COL11A1: variants seen among roughly 807,000 people sequenced by gnomAD.
COL11A1 encodes collagen type XI alpha 1 chain.
In COL11A1, 74 loss-of-function variants were observed where a neutral mutation model predicts 265.2. The observed-to-expected ratio is 0.28, with a 90% CI of 0.23 to 0.34. The LOEUF (loss-of-function observed/expected upper bound fraction) is 0.34, where lower values mean the gene tolerates loss of function less well. Ranked by LOEUF, COL11A1 falls within the 10% of genes least tolerant of loss-of-function variation. The probability of loss-of-function intolerance (pLI) is 1.00; values close to 1 mark genes in which losing one functional copy is unlikely to be tolerated. For synonymous variants in COL11A1, 816 were observed against 727.6 expected, an observed-to-expected ratio of 1.12 and a Z score of -1.96; for missense variants, 2,165 against 2,263.6, an observed-to-expected ratio of 0.96 and a Z score of 0.88.
chr1:103,020,070 G>T, intron 9 of COL11A1, among the ~76,000 whole-genome samples: 1 of 151,340 alleles, frequency 6.6e-6, no homozygotes, highest in Non-Finnish European at 1.5e-5. Context: ...TATCTTTATA[G>T]CAGCATGATT....
At chr1:103,041,959 T>A (rs1668844980) in intron 4 of COL11A1, among the ~76,000 whole-genome samples, 1 of 152,006 alleles carries the variant, frequency 6.6e-6, no homozygotes, top group African/African-American at 2.4e-5. Context: ...AAAGCTATAT[T>A]TTGTTCCCAA....
At chr1:103,063,703 A>G (rs766497197) in intron 4 of COL11A1, among the ~76,000 whole-genome samples, 1 of 152,194 alleles carries the variant, frequency 6.6e-6, no homozygotes, top group Non-Finnish European at 1.5e-5. Context: ...GAATTTATTG[A>G]TAATCTAGGC....
intron 56 of COL11A1, among the ~76,000 whole-genome samples, chr1:102,898,446 T>C: frequency 6.6e-6 from 1 of 151,982 alleles, no homozygotes; most frequent in East Asian, 1.9e-4. Flanking sequence ...TGGTTTTCTA[T>C]TTTCTCTTTA....
At chr1:102,984,246 AAT>A in intron 30 of COL11A1, 55 bp from the exon 31 acceptor site, 1 of 1,176,198 alleles carries the variant, frequency 8.5e-7, no homozygotes, top group Non-Finnish European at 1.2e-6. Context: ...ATTAAGCTTA[AAT>A]AATGATTTCA....
chr1:103,018,869 GA>G lies in COL11A1; in HGVS notation c.1309-11del. 4 of 1,610,094 alleles carry G rather than the reference GA, an allele frequency of 2.5e-6. No individual in the cohort carries two copies. The highest frequency in any genetic ancestry group is 1.7e-6 in the Non-Finnish European group (2 of 1,176,960). On this transcript the variant is annotated splice_polypyrimidine_tract_variant and intron_variant, in intron 9 of 66. Coordinates refer to ENST00000370096, the MANE Select transcript of COL11A1 (RefSeq NM_001854.4). ...CTTCGACAAGCATACCCTATAACAG[GA>G]AAAGAGAACATCTCTACCAGGGAAA...
intron 54 of COL11A1, among the ~76,000 whole-genome samples, chr1:102,911,699 C>A (rs936778196): frequency 8.5e-5 from 13 of 152,140 alleles, no homozygotes; most frequent in African/African-American, 3.1e-4. Flanking sequence ...TGTTTCCGAG[C>A]CAGAGAAGTT....
intron 4 of COL11A1, among the ~76,000 whole-genome samples, chr1:103,073,767 A>C (rs571584464): frequency 4.6e-5 from 7 of 152,168 alleles, no homozygotes; most frequent in African/African-American, 1.7e-4. Flanking sequence ...CTGTTTATGA[A>C]AATACATACT....
At chr1:103,070,102 T>C (rs1671460084) in intron 4 of COL11A1, among the ~76,000 whole-genome samples, 1 of 151,562 alleles carries the variant, frequency 6.6e-6, no homozygotes, top group East Asian at 1.9e-4. Context: ...TGAATGTTTA[T>C]AGTGGCTTTA....
At chr1:103,019,759 C>A (rs924581224) in intron 9 of COL11A1, among the ~76,000 whole-genome samples, 1 of 122,492 alleles carries the variant, frequency 8.2e-6, no homozygotes, top group African/African-American at 3.1e-5. Context: ...CCACAACAGT[C>A]CCCAGAGTGT....
intron 23 of COL11A1, 146 bp from the exon 24 acceptor site, chr1:103,002,115 C>G (rs530757346): frequency 2.9e-5 from 22 of 758,410 alleles, no homozygotes; most frequent in Admixed American, 4.7e-5. Flanking sequence ...TTTTAGAACA[C>G]GATGAGGAGT....
intron 5 of COL11A1, among the ~76,000 whole-genome samples, chr1:103,028,979 G>T (rs1028729319): frequency 4.6e-5 from 7 of 151,832 alleles, no homozygotes; most frequent in Admixed American, 4.6e-4. Context: ...TATTTAAATG[G>T]CACTGTGTAG....
chr1:102,986,593 T>C (rs1323897766), intron 30 of COL11A1, among the ~76,000 whole-genome samples: 1 of 152,100 alleles, frequency 6.6e-6, no homozygotes, highest in African/African-American at 2.4e-5. Flanking sequence ...GTAGAAAATA[T>C]AGACATATAC....
intron 29 of COL11A1, among the ~76,000 whole-genome samples, chr1:102,988,232 A>G (rs926325450): frequency 2.0e-5 from 3 of 152,278 alleles, no homozygotes; most frequent in Admixed American, 6.5e-5. Context: ...TTCCCCAGCC[A>G]GAAGCTGAAT....
chr1:102,911,175 A>G (rs1654628186), intron 54 of COL11A1, among the ~76,000 whole-genome samples: 1 of 152,186 alleles, frequency 6.6e-6, no homozygotes. Context: ...AAAATGTAAG[A>G]AAATGTACTT....
At chr1:102,888,499 T>A in intron 62 of COL11A1, 78 bp downstream of exon 62, 1 of 1,368,402 alleles carries the variant, frequency 7.3e-7, no homozygotes, top group Non-Finnish European at 1.0e-6. Flanking sequence ...TTTTTGTCTA[T>A]CTTATAAGTT....
Position 103,025,550 on chromosome 1 carries a change from C to T in COL11A1, c.961G>A (p.Ala321Thr). Residue 321 changes from alanine (A) to threonine (T), a missense_variant, in exon 7 of 67, where the codon GCT becomes ACT. Ala to Thr is a moderately conservative substitution (Grantham distance 58). Coordinates refer to ENST00000370096, the MANE Select transcript of COL11A1 (RefSeq NM_001854.4). ...YGTMESYQTEAPRHVSGTNEP... is the reference protein window; with the variant it reads ...YGTMESYQTETPRHVSGTNEP... ...TTTGTCCCAGAAACATGCCTAGGAG[C>T]TTCTGTCTGGTAACTTTCCATTGTT... 1.2e-6 allele frequency: 2 copies of T among 1,613,546 alleles called. No individual in the cohort carries two copies. Among genetic ancestry groups the T allele is most frequent in the Non-Finnish European group, 1.7e-6 (2 of 1,179,692 alleles).
chr1:103,050,582 A>G (rs1669730486), intron 4 of COL11A1, among the ~76,000 whole-genome samples: 1 of 151,960 alleles, frequency 6.6e-6, no homozygotes, highest in African/African-American at 2.4e-5. Context: ...TGATCGTCTG[A>G]AGCCTTCTTC....
In COL11A1 at chr1:103,067,775, AT is replaced by A. The variant is rs1671266396; in HGVS notation, c.651+6842del. Among the ~76,000 whole-genome samples, 6 of 151,764 alleles carry A rather than the reference AT, an allele frequency of 4.0e-5. No homozygotes were observed. In the South Asian group the frequency reaches 1.2e-3, roughly 31 times the overall value. ...GAATAAAAAGTAGTTTTCAGTAGAA[AT>A]TTTAAAGATATTAAAATTTAAAATA... On this transcript the variant is annotated intron_variant, in intron 4 of 66. Transcript: ENST00000370096.
intron 48 of COL11A1, among the ~76,000 whole-genome samples, chr1:102,921,312 A>C (rs1162731948): frequency 6.6e-6 from 1 of 152,118 alleles, no homozygotes; most frequent in South Asian, 2.1e-4. Context: ...ATGTGTACCT[A>C]TGTTACATTT....
Sources: allele counts gnomAD v4.1 joint callset (sites outside exome capture counted in the v4.1 genomes callset), GRCh38; gene constraint gnomAD v4.1.1; transcripts MANE v1.5; gene names NCBI Gene and HGNC (gene_info 2026-07-23, HGNC 2026-07-21).